Variants in GRIP1 observed in about 807,000 individuals in gnomAD.
The protein encoded by GRIP1 is glutamate receptor-interacting protein 1.
Under a neutral mutation model 129.9 loss-of-function variants are expected in GRIP1, and 45 were observed. The ratio of observed to expected loss-of-function variants is 0.35; its 90% CI spans 0.27 to 0.44. GRIP1 has a LOEUF of 0.44. Among genes scored for constraint, GRIP1 ranks in the 20% least tolerant of loss-of-function variants. The pLI is 1.00. For missense variants in GRIP1, 1,196 were observed against 1,396.8 expected (o/e 0.86, Z 2.29); for synonymous variants, 530 against 520.8 (o/e 1.02, Z -0.24).
At chr12:66,779,023 C>T (rs1312248033) in intron 1 of GRIP1, among the ~76,000 whole-genome samples, 2 of 152,118 alleles carry the variant, frequency 1.3e-5, no homozygotes, top group Admixed American at 6.5e-5. Context: ...GCTTTGGGAG[C>T]ACTTTTCCCC....
chr12:66,362,988 C>T (rs2054867631), intron 23 of GRIP1, among the ~76,000 whole-genome samples: 2 of 151,360 alleles, frequency 1.3e-5, no homozygotes. Flanking sequence ...AAGATAACCT[C>T]AAAGGCTTTG....
chr12:66,440,510 CAGG>C (rs1056816662), intron 13 of GRIP1, among the ~76,000 whole-genome samples: 2 of 152,170 alleles, frequency 1.3e-5, no homozygotes, highest in African/African-American at 4.8e-5. Context: ...TCTCTGTCTC[CAGG>C]AGTTCAATTG....
chr12:66,411,439 C>T (rs559670121), intron 15 of GRIP1, among the ~76,000 whole-genome samples: 9 of 152,296 alleles, frequency 5.9e-5, no homozygotes, highest in African/African-American at 2.2e-4. Flanking sequence ...ACGGTAACAT[C>T]ATTAACGAAA....
At chr12:66,520,183 T>C (rs1457485128) in intron 5 of GRIP1, among the ~76,000 whole-genome samples, 2 of 152,220 alleles carry the variant, frequency 1.3e-5, no homozygotes, top group Non-Finnish European at 2.9e-5. Flanking sequence ...TATTTTCTAT[T>C]GATCTAAGTT....
At chr12:67,040,009 G>T (rs1027946199) in intron 1 of GRIP1, among the ~76,000 whole-genome samples, 4 of 151,960 alleles carry the variant, frequency 2.6e-5, no homozygotes, top group Non-Finnish European at 5.9e-5. Flanking sequence ...TAAGCTGTTC[G>T]CTCTCCTCCC....
chr12:66,890,129 A>C (rs1423501860), intron 1 of GRIP1, among the ~76,000 whole-genome samples: 3 of 152,020 alleles, frequency 2.0e-5, no homozygotes, highest in African/African-American at 7.2e-5. Flanking sequence ...GGGTCTCACT[A>C]TGTTACTCAG....
chr12:66,842,453 G>C (rs1223788181), intron 1 of GRIP1, among the ~76,000 whole-genome samples: 2 of 152,076 alleles, frequency 1.3e-5, no homozygotes. Context: ...GTGGCCTTTA[G>C]CACTCCCTGC....
chr12:66,780,892 T>A (rs2038137174), intron 1 of GRIP1, among the ~76,000 whole-genome samples: 1 of 152,254 alleles, frequency 6.6e-6, no homozygotes, highest in African/African-American at 2.4e-5. Flanking sequence ...TCAACTAGAA[T>A]ACCTGCATGT....
At position 66,591,380 on chromosome 12, in the gene GRIP1, C is replaced by T. The variant is rs754975308; in HGVS notation, c.136+5467G>A. ...CTGAATGGCTTTGGCAGAGTACACC[C>T]GGCCCTTAGTTCTCATTGTCCTCAC... On this transcript the variant is annotated intron_variant, in intron 2 of 24. Coordinates refer to ENST00000359742, the MANE Select transcript of GRIP1 (RefSeq NM_001366722.1). 2.0e-5 allele frequency among the ~76,000 whole-genome samples: 3 copies of T among 152,160 alleles called. No individual in the cohort carries two copies. In the East Asian group the frequency reaches 5.8e-4, roughly 29 times the overall value.
At position 66,840,854 on chromosome 12, in the gene GRIP1, C is replaced by T. The variant is rs189919201; in HGVS notation, c.58+228196G>A. 1.8e-4 allele frequency among the ~76,000 whole-genome samples: 28 copies of T among 152,230 alleles called. 1 individual carries two copies. The highest frequency in any genetic ancestry group is 1.2e-3 in the Admixed American group (18 of 15,290). ...AACATGCACAGACAGCCCAGTGAGCCTCTTTTTGTTTTTAAAGGGCAGGTC... is the reference window on the plus strand; with the variant it reads ...AACATGCACAGACAGCCCAGTGAGCTTCTTTTTGTTTTTAAAGGGCAGGTC... On this transcript the variant is annotated intron_variant, in intron 1 of 1. Transcript: ENST00000643019.
chr12:66,581,206 A>T (rs1035173846), intron 2 of GRIP1, among the ~76,000 whole-genome samples: 13 of 152,220 alleles, frequency 8.5e-5, no homozygotes, highest in East Asian at 7.7e-4. Context: ...TTGAAACCAA[A>T]GAGAACAAAG....
intron 1 of GRIP1, among the ~76,000 whole-genome samples, chr12:66,862,444 G>C (rs1463958821): frequency 6.6e-6 from 1 of 151,988 alleles, no homozygotes; most frequent in African/African-American, 2.4e-5. Flanking sequence ...AGCTTTCTGG[G>C]GCACATTAAT....
intron 1 of GRIP1, among the ~76,000 whole-genome samples, chr12:67,014,708 T>C (rs563314994): frequency 3.3e-5 from 5 of 152,178 alleles, no homozygotes; most frequent in African/African-American, 1.2e-4. Context: ...AGGCTCAGAA[T>C]AATCTGGGAA....
chr12:66,651,384 T>C (rs2032783090), intron 1 of GRIP1, among the ~76,000 whole-genome samples: 1 of 152,194 alleles, frequency 6.6e-6, no homozygotes, highest in Non-Finnish European at 1.5e-5. Flanking sequence ...TTTAAACTAT[T>C]TCCCAAATCT....
chr12:66,435,004 C>T (rs1285274010), intron 13 of GRIP1, among the ~76,000 whole-genome samples: 2 of 152,160 alleles, frequency 1.3e-5, no homozygotes, highest in African/African-American at 2.4e-5. Flanking sequence ...TTCTTGCTGG[C>T]AACTGAAAGA....
intron 1 of GRIP1, among the ~76,000 whole-genome samples, chr12:66,702,405 A>T (rs1177925064): frequency 6.6e-6 from 1 of 152,110 alleles, no homozygotes; most frequent in Admixed American, 6.6e-5. Flanking sequence ...TTCTCTTGAC[A>T]GTTTTCAGTC....
intron 1 of GRIP1, among the ~76,000 whole-genome samples, chr12:67,019,909 CAATT>C (rs1262557395): frequency 6.6e-6 from 1 of 152,068 alleles, no homozygotes; most frequent in Admixed American, 6.6e-5. Flanking sequence ...TTGGATCTCT[CAATT>C]AATACCTCAA....
At chr12:66,377,628 C>A (rs1355084601) in intron 20 of GRIP1, among the ~76,000 whole-genome samples, 1 of 142,738 alleles carries the variant, frequency 7.0e-6, no homozygotes, top group South Asian at 2.2e-4. Flanking sequence ...CGTGAGCCAC[C>A]GCACCCGGCC....
At chr12:66,989,700 A>G (rs562363994) in intron 1 of GRIP1, among the ~76,000 whole-genome samples, 1 of 152,352 alleles carries the variant, frequency 6.6e-6, no homozygotes, top group East Asian at 1.9e-4. Flanking sequence ...CTTCGGAACA[A>G]CAATAAACAC....
Sources: gnomAD v4.1 joint callset for allele counts (sites outside exome capture counted in the v4.1 genomes callset) on GRCh38, gnomAD v4.1.1 for gene constraint, MANE v1.5 for transcripts, NCBI Gene and HGNC (gene_info 2026-07-23, HGNC 2026-07-21) for gene names.